Variants in STK39 observed in about 807,000 individuals in gnomAD.
The protein encoded by STK39 is STE20/SPS1-related proline-alanine-rich protein kinase.
Under a neutral mutation model 77.8 loss-of-function variants are expected in STK39, and 20 were observed. The observed-to-expected ratio is 0.26, with a 90% CI of 0.18 to 0.37. The LOEUF (loss-of-function observed/expected upper bound fraction) is 0.37, where lower values mean the gene tolerates loss of function less well. Among genes scored for constraint, STK39 ranks in the 10% least tolerant of loss-of-function variants. The probability of loss-of-function intolerance (pLI) is 1.00; values close to 1 mark genes in which losing one functional copy is unlikely to be tolerated. For missense variants in STK39, 479 were observed against 656.5 expected (o/e 0.73, Z 2.95); for synonymous variants, 246 against 234.1 (o/e 1.05, Z -0.47).
At chr2:168,194,619 C>A (rs2105659085) in intron 1 of STK39, among the ~76,000 whole-genome samples, 1 of 152,200 alleles carries the variant, frequency 6.6e-6, no homozygotes, top group African/African-American at 2.4e-5. Flanking sequence ...TTATTTCCAG[C>A]ACCTAGGATT....
intron 5 of STK39, among the ~76,000 whole-genome samples, chr2:168,144,506 A>G (rs1417174017): frequency 6.6e-6 from 1 of 151,486 alleles, no homozygotes; most frequent in African/African-American, 2.4e-5. Context: ...GGGTCTCTCT[A>G]TGTTGCCCAA....
chr2:168,201,484 G>A (rs1689610795), intron 1 of STK39, among the ~76,000 whole-genome samples: 1 of 152,194 alleles, frequency 6.6e-6, no homozygotes, highest in South Asian at 2.1e-4. Flanking sequence ...TGGCCATCAT[G>A]GGTCAGTGAG....
At chr2:167,987,214 C>T (rs1381063076) in intron 16 of STK39, among the ~76,000 whole-genome samples, 1 of 152,154 alleles carries the variant, frequency 6.6e-6, no homozygotes, top group African/African-American at 2.4e-5. Flanking sequence ...CTGTAGTTTC[C>T]CTACAAAACT....
chr2:167,978,460 A>C (rs1373138107), intron 16 of STK39, among the ~76,000 whole-genome samples: 2 of 152,186 alleles, frequency 1.3e-5, no homozygotes, highest in Non-Finnish European at 2.9e-5. Context: ...TAATTTCCTC[A>C]TAATTTTTGC....
At chr2:168,213,540 G>A (rs1303678436) in intron 1 of STK39, among the ~76,000 whole-genome samples, 11 of 151,906 alleles carry the variant, frequency 7.2e-5, no homozygotes, top group African/African-American at 2.7e-4. Context: ...AAAAACATTA[G>A]GCGGGCATCG....
chr2:168,115,185 G>A (rs1486886208), intron 10 of STK39, among the ~76,000 whole-genome samples: 1 of 151,702 alleles, frequency 6.6e-6, no homozygotes, highest in East Asian at 1.9e-4. Flanking sequence ...GTAGATCTAG[G>A]AAAAAAAATG....
intron 1 of STK39, among the ~76,000 whole-genome samples, chr2:168,215,148 T>C (rs1689994843): frequency 6.6e-6 from 1 of 152,146 alleles, no homozygotes; most frequent in Non-Finnish European, 1.5e-5. Context: ...AAAAAGCCCT[T>C]TTCTGAAATA....
rs549693181 is a variant in STK39 at position 168,170,403 on chromosome 2, C to T, written c.322-2996G>A. ...AAAATGTTTTAGCTGATTCTTTCGA[C>T]AGAATGAATGGGTTCTAACATCCTA... On this transcript the variant is annotated intron_variant, in intron 2 of 17. Transcript: ENST00000355999. 1.8e-4 allele frequency among the ~76,000 whole-genome samples: 27 copies of T among 152,328 alleles called. No individual in the cohort carries two copies. The East Asian group carries it at 5.2e-3, about 29-fold the overall frequency.
intron 1 of STK39, among the ~76,000 whole-genome samples, chr2:168,188,577 G>A (rs891923551): frequency 5.9e-5 from 9 of 152,128 alleles, no homozygotes; most frequent in Admixed American, 5.2e-4. Context: ...TTATTAGATT[G>A]CAAGTGTGAA....
chr2:168,049,636 T>C (rs578121460), intron 14 of STK39, among the ~76,000 whole-genome samples: 1 of 152,324 alleles, frequency 6.6e-6, no homozygotes, highest in African/African-American at 2.4e-5. Context: ...TTTCACAGTG[T>C]TGTCAGAAGT....
chr2:168,095,909 A>C (rs1422959772), intron 10 of STK39, among the ~76,000 whole-genome samples: 1 of 152,188 alleles, frequency 6.6e-6, no homozygotes, highest in East Asian at 1.9e-4. Context: ...TGACAATGAA[A>C]TAAGAAAATC....
intron 1 of STK39, among the ~76,000 whole-genome samples, chr2:168,208,273 T>C (rs1229017160): frequency 6.6e-6 from 1 of 152,240 alleles, no homozygotes; most frequent in Non-Finnish European, 1.5e-5. Flanking sequence ...CAACAAGATT[T>C]AAGGATCTGC....
intron 5 of STK39, among the ~76,000 whole-genome samples, chr2:168,144,352 G>A (rs1003021188): frequency 6.6e-6 from 1 of 152,018 alleles, no homozygotes; most frequent in African/African-American, 2.4e-5. Flanking sequence ...CGCCCAAGGT[G>A]GAACATAGTG....
At chr2:167,965,907 G>A (rs941674399) in intron 16 of STK39, among the ~76,000 whole-genome samples, 1 of 152,130 alleles carries the variant, frequency 6.6e-6, no homozygotes, top group African/African-American at 2.4e-5. Flanking sequence ...TAGATACATG[G>A]ATTTTCTGCA....
At position 168,246,954 on chromosome 2, in the gene STK39, C is replaced by T. The variant is rs555542519; in HGVS notation, c.208+274G>A. ...CTCCGCTCCACCGCCCCGGCGATCC[C>T]TGAGATAAAAGTTTGCAGCATGCGG... On this transcript the variant is annotated intron_variant, in intron 1 of 17. Transcript: ENST00000355999. Among the ~76,000 whole-genome samples, 50 of 151,176 alleles carry T rather than the reference C, an allele frequency of 3.3e-4. 1 individual carries two copies. The South Asian group carries it at 9.8e-3, about 30-fold the overall frequency.
At chr2:168,026,952 T>TAC (rs139522501) in intron 14 of STK39, among the ~76,000 whole-genome samples, 44 of 151,894 alleles carry the variant, frequency 2.9e-4, no homozygotes, top group East Asian at 3.9e-4. Flanking sequence ...ATCTGGTCTC[T>TAC]ACACACACAC....
chr2:167,984,096 T>C (rs1239696201), intron 16 of STK39, among the ~76,000 whole-genome samples: 1 of 152,146 alleles, frequency 6.6e-6, no homozygotes, highest in Non-Finnish European at 1.5e-5. Flanking sequence ...TTTAAGCAGA[T>C]GTGTGTTCTA....
At chr2:168,179,292 A>G (rs903272117) in intron 2 of STK39, among the ~76,000 whole-genome samples, 3 of 152,246 alleles carry the variant, frequency 2.0e-5, no homozygotes, top group African/African-American at 7.2e-5. Context: ...CAGCAGTATT[A>G]GACATTGAAA....
At position 168,167,389 on chromosome 2, in the gene STK39, T is replaced by A. The variant is rs2105597407; in HGVS notation, c.340A>T (p.Ser114Cys). The A allele has an allele frequency of 6.2e-7, 1 of 1,613,518 alleles. No individual in the cohort carries two copies. The highest frequency in any genetic ancestry group is 2.2e-5 in the East Asian group (1 of 44,818). ...DELLKEIQAM[S>C]QCSHPNVVTY... is the part of the protein sequence containing the mutation. Reference sequence around the variant, plus strand: ...ACTACGTTGGGATGGCTGCACTGACTCATGGCTTGAATTTCTTTCTATAAA... The same window carrying A: ...ACTACGTTGGGATGGCTGCACTGACACATGGCTTGAATTTCTTTCTATAAA... The change falls in exon 3 of 18, where the codon AGT (serine) becomes TGT (cysteine). Residue 114 changes from serine (S) to cysteine (C), a missense_variant. Transcript: ENST00000355999.
Sources: allele counts gnomAD v4.1 joint callset (sites outside exome capture counted in the v4.1 genomes callset), GRCh38; gene constraint gnomAD v4.1.1; transcripts MANE v1.5; gene names NCBI Gene and HGNC (gene_info 2026-07-23, HGNC 2026-07-21).